Variants in ZMIZ2 observed in about 807,000 individuals in gnomAD.
ZMIZ2 encodes the protein zinc finger MIZ domain-containing protein 2.
In ZMIZ2, 26 loss-of-function variants were observed where a neutral mutation model predicts 93.9. The observed-to-expected ratio is 0.28, with a 90% CI of 0.20 to 0.38. The LOEUF (loss-of-function observed/expected upper bound fraction) is 0.38. Ranked by LOEUF, ZMIZ2 falls within the 10% of genes least tolerant of loss-of-function variation. The pLI, the probability that ZMIZ2 is intolerant of heterozygous loss-of-function variation, is 1.00. For synonymous variants in ZMIZ2, 485 were observed against 516.4 expected, an observed-to-expected ratio of 0.94 and a Z score of 0.82; for missense variants, 1,023 against 1,235.0, an observed-to-expected ratio of 0.83 and a Z score of 2.57.
At chr7:44,750,089 GC>G (rs1442518643) in intron 1 of ZMIZ2, 1 of 152,158 alleles carries the variant, frequency 6.6e-6, no homozygotes, top group African/African-American at 2.4e-5. Flanking sequence ...TGAAGGACAG[GC>G]CTAAGATGTT....
rs754801516 is a variant in ZMIZ2, at chr7:44,766,584, T to C, written c.2576T>C (p.Leu859Pro). 6.2e-7 allele frequency: 1 copy of C among 1,613,636 alleles called. No individual in the cohort carries two copies. The highest frequency in any genetic ancestry group is 8.5e-7 in the Non-Finnish European group (1 of 1,180,012). The stretch of plus-strand genomic sequence containing the variant: ...GCGAGCTTAGGACCTACGGGTGAAC[T>C]GGCCTTCAGTCCTGCCACAGGCGTG... ...GQASLGPTGELAFSPATGVMG... is the reference protein window; with the variant it reads ...GQASLGPTGEPAFSPATGVMG... The change falls in exon 18 of 19, where the codon CTG (leucine) becomes CCG (proline). Residue 859 changes from leucine (L) to proline (P), a missense_variant. Transcript: ENST00000309315. This position sits in a 1 kb window ranked among gnomAD's most constrained non-coding sequence, Gnocchi z 4.4.
rs1192832363 is a variant in ZMIZ2 at position 44,766,375 on chromosome 7, G to T, written c.2412+42G>T. The T allele has an allele frequency of 3.1e-6, 5 of 1,611,310 alleles. No homozygotes were observed. Among genetic ancestry groups the T allele is most frequent in the Non-Finnish European group, 4.2e-6 (5 of 1,178,074 alleles). The stretch of plus-strand genomic sequence containing the variant: ...GAGGCCAAGGGGCCCTGTCTCCCCA[G>T]GGGAGCCCCTGAGCTGTTTTAACAA... On this transcript the variant is annotated intron_variant, in intron 17 of 18. Coordinates refer to ENST00000309315, the MANE Select transcript of ZMIZ2 (RefSeq NM_031449.4). The surrounding 1 kb of genome is among the most constrained non-coding windows in gnomAD (Gnocchi z 4.4).
At chr7:44,749,485 G>A (rs1789945258) in intron 1 of ZMIZ2, among the ~76,000 whole-genome samples, 2 of 152,350 alleles carry the variant, frequency 1.3e-5, no homozygotes, top group Middle Eastern at 3.4e-3. Context: ...GCTCGCGGAG[G>A]AGCTGTTCCG....
In ZMIZ2 at chr7:44,767,188, G is replaced by A. The variant is rs73329079; in HGVS notation, c.2656-328G>A. ...ACCAGCATTCACCTTGGGGCATCAC[G>A]GTGGGGATCCCCACGCAGGCTGATG... On this transcript the variant is annotated intron_variant, in intron 18 of 18. Coordinates refer to ENST00000309315, the MANE Select transcript of ZMIZ2 (RefSeq NM_031449.4). Among the ~76,000 whole-genome samples, 1,002 of 152,266 alleles carry A rather than the reference G, an allele frequency of 6.6e-3. 12 individuals are homozygous for A. Among genetic ancestry groups the A allele is most frequent in the African/African-American group, 0.023 (948 of 41,534 alleles).
At chr7:44,757,219 C>T (rs1217651164) in intron 4 of ZMIZ2, 70 bp downstream of exon 4, 33 of 1,519,220 alleles carry the variant, frequency 2.2e-5, no homozygotes, top group Non-Finnish European at 2.1e-5. Context: ...AGAACTGTGG[C>T]GCTGATCAGC....
rs760728626 is a variant in ZMIZ2, at chr7:44,760,430, C to T, written c.1077C>T (p.Thr359=). The stretch of plus-strand genomic sequence containing the variant: ...GTTTGTGCTCAACCCTACAGCCTAC[C>T]CGTTCCATCCCGGGCTATCCCAGTT... ...SYSQPGLSGP[T]RSIPGYPSSP... The change falls in exon 9 of 19, where the codon ACC becomes ACT. Residue 359 remains threonine, a synonymous_variant. Transcript: ENST00000309315. The T allele has an allele frequency of 8.1e-6, 13 of 1,613,836 alleles. No homozygotes were observed. The highest frequency in any genetic ancestry group is 9.3e-6 in the Non-Finnish European group (11 of 1,179,918).
chr7:44,754,847 G>A (rs536693243), intron 1 of ZMIZ2, among the ~76,000 whole-genome samples: 1 of 152,164 alleles, frequency 6.6e-6, no homozygotes, highest in East Asian at 1.9e-4. Context: ...CAGCTGAAGC[G>A]GCCTCTCCTG....
chr7:44,759,970 A>G (rs1483811735), intron 7 of ZMIZ2, 181 bp from the exon 8 acceptor site: 2 of 690,616 alleles, frequency 2.9e-6, no homozygotes, highest in South Asian at 1.9e-5. Flanking sequence ...AGCCCCTCCA[A>G]CCTGTTTGAT....
chr7:44,764,526 T>TAC, intron 14 of ZMIZ2, 40 bp downstream of exon 14: 4 of 1,607,924 alleles, frequency 2.5e-6, no homozygotes, highest in Non-Finnish European at 3.4e-6. Context: ...GAGGGGCTGG[T>TAC]GCTTTTAGAG....
Position 44,763,557 on chromosome 7 carries a change from G to A in ZMIZ2, c.1860+144G>A. On this transcript the variant is annotated intron_variant, in intron 13 of 18. Transcript: ENST00000309315. This position sits in a 1 kb window ranked among gnomAD's most constrained non-coding sequence, Gnocchi z 5.6. ...CAGGACAGGCCTCCCACGCCAAGGA[G>A]GCAGGTGGGCCTGGCTCCCCCAAGA... The A allele has an allele frequency of 8.5e-7, 1 of 1,181,546 alleles. No homozygotes were observed. Among genetic ancestry groups the A allele is most frequent in the Non-Finnish European group, 1.2e-6 (1 of 856,792 alleles). 73.2% of individuals were successfully genotyped at this position (1,181,546 alleles called of 1,614,324 possible).
Position 44,759,399 on chromosome 7 carries a change from C to T in ZMIZ2, c.932C>T (p.Pro311Leu), listed in dbSNP as rs1308853593. 3 of 1,603,954 alleles carry T rather than the reference C, an allele frequency of 1.9e-6. No homozygotes were observed. The highest frequency in any genetic ancestry group is 2.6e-6 in the Non-Finnish European group (3 of 1,175,542). Residue 311 changes from proline (P) to leucine (L), a missense_variant, in exon 7 of 19, where the codon CCC becomes CTC. By Grantham distance (98) the Pro-to-Leu change is moderately conservative. Transcript: ENST00000309315. The stretch of plus-strand genomic sequence containing the variant: ...CCTTCCTACCCTGGGCACAGGCTGC[C>T]CCTGCAGCAGGGCATGACCCAGTCC... ...PSPSYPGHRL[P>L]LQQGMTQSLS...
chr7:44,762,399 G>C (rs576470971), intron 11 of ZMIZ2, among the ~76,000 whole-genome samples: 4 of 152,326 alleles, frequency 2.6e-5, no homozygotes, highest in South Asian at 2.1e-4. Context: ...CAAGCATCAG[G>C]GTCACCCTTG....
Position 44,765,647 on chromosome 7 carries a change from T to A in ZMIZ2, c.2242+68T>A. ...CATATGGCTCCTCTCCCCAGATCAG[T>A]CTCCTCACCTGCAAGAATGTGGCTA... On this transcript the variant is annotated intron_variant, in intron 16 of 18. Transcript: ENST00000309315. This position sits in a 1 kb window ranked among gnomAD's most constrained non-coding sequence, Gnocchi z 4.1. The A allele has an allele frequency of 6.5e-7, 1 of 1,541,694 alleles. No individual in the cohort carries two copies. The highest frequency in any genetic ancestry group is 8.7e-7 in the Non-Finnish European group (1 of 1,145,092).
chr7:44,749,058 A>AGGTGCGGCGGGGGCG lies in ZMIZ2; in HGVS notation c.-63+69_-63+70insTGCGGCGGGGGCGGG, dbSNP rs1554317102. On this transcript the variant is annotated intron_variant, in intron 1 of 18. Transcript: ENST00000309315. ...CAGGCAGGTGTGGGCCGGCGGGGGC[A>AGGTGCGGCGGGGGCG]GGCAGGTGCGGCAGGTGCGGGCCGG... 6.2e-4 allele frequency: 94 copies of AGGTGCGGCGGGGGCG among 152,384 alleles called. 2 individuals are homozygous for AGGTGCGGCGGGGGCG. The South Asian group carries it at 0.017, about 28-fold the overall frequency. 9.4% of individuals were successfully genotyped at this position (152,384 alleles called of 1,614,324 possible).
chr7:44,766,203 T>TTCCCCCCC lies in ZMIZ2; in HGVS notation c.2282_2283insTCCCCCCC (p.Thr764ProfsTer32). On this transcript the variant is annotated frameshift_variant, in exon 17 of 19. Transcript: ENST00000309315. LOFTEE classifies it high-confidence loss of function. The surrounding 1 kb of genome is among the most constrained non-coding windows in gnomAD (Gnocchi z 4.4). Reference sequence around the variant, plus strand: ...GGGCCTGGAACTTTCCCTGAGTCCTTCCCACCCACCACGCCCAGCACCCCA... The same window carrying TTCCCCCCC: ...GGGCCTGGAACTTTCCCTGAGTCCTTTCCCCCCCCCCACCCACCACGCCCAGCACCCCA... 6.3e-7 allele frequency: 1 copy of TTCCCCCCC among 1,598,492 alleles called. No homozygotes were observed. The highest frequency in any genetic ancestry group is 8.6e-7 in the Non-Finnish European group (1 of 1,167,520).
chr7:44,766,027 G>A lies in ZMIZ2; in HGVS notation c.2243-137G>A, dbSNP rs1459606616. The A allele has an allele frequency of 2.1e-6, 3 of 1,437,312 alleles. No individual in the cohort carries two copies. Among genetic ancestry groups the A allele is most frequent in the South Asian group, 1.5e-5 (1 of 64,644 alleles). The allele number at this position is 1,437,312 out of a possible 1,614,324, so 89.0% of individuals were successfully genotyped here. On this transcript the variant is annotated intron_variant, in intron 16 of 18. Transcript: ENST00000309315. The surrounding 1 kb of genome is among the most constrained non-coding windows in gnomAD (Gnocchi z 4.4). ...GAAGAAATGCCCTTTTCCAAATAGCGACTTCTGCAAAACCCGCTGTTGTTT... is the reference window on the plus strand; with the variant it reads ...GAAGAAATGCCCTTTTCCAAATAGCAACTTCTGCAAAACCCGCTGTTGTTT...
At chr7:44,762,637 C>T (rs1791318049) in intron 11 of ZMIZ2, among the ~76,000 whole-genome samples, 1 of 152,200 alleles carries the variant, frequency 6.6e-6, no homozygotes, top group Non-Finnish European at 1.5e-5. Context: ...GCAGGATGCC[C>T]AGCACAGCTG....
chr7:44,748,672 G>A (rs1449467784), upstream of ZMIZ2: 1 of 150,904 alleles, frequency 6.6e-6, no homozygotes, highest in Non-Finnish European at 1.5e-5. Flanking sequence ...ATCAGGCTGC[G>A]TCTCCTGCCC....
chr7:44,759,504 G>A, intron 7 of ZMIZ2, 44 bp downstream of exon 7: 1 of 1,380,044 alleles, frequency 7.2e-7, no homozygotes, highest in Non-Finnish European at 9.4e-7. Flanking sequence ...TCCGTGCTGA[G>A]TGCTGTGGGA....
Sources: gnomAD v4.1 joint callset for allele counts (sites outside exome capture counted in the v4.1 genomes callset) on GRCh38, gnomAD v4.1.1 for gene constraint, Gnocchi (gnomAD v3.1) non-coding constraint, MANE v1.5 for transcripts, NCBI Gene and HGNC (gene_info 2026-07-23, HGNC 2026-07-21) for gene names.